CFAP20DC: variants seen among roughly 807,000 people sequenced by gnomAD.
CFAP20DC encodes the protein CFAP20 domain containing.
CFAP20DC carries 84 observed loss-of-function variants against 101.7 expected under a neutral mutation model. That is an observed-to-expected ratio of 0.83 (90% CI 0.69 to 0.99). The LOEUF is 0.99. CFAP20DC is among the 50% of genes least tolerant of loss of function. The pLI is 0.00. For synonymous variants in CFAP20DC, 359 were observed against 351.2 expected (o/e 1.02, Z -0.25); for missense variants, 1,007 against 970.3 (o/e 1.04, Z -0.50).
intron 13 of CFAP20DC, among the ~76,000 whole-genome samples, chr3:58,847,470 C>T (rs1220864981): frequency 2.0e-5 from 3 of 150,002 alleles, no homozygotes; most frequent in African/African-American, 4.9e-5. Flanking sequence ...CAATGAGATA[C>T]CATCTCACAC....
intron 16 of CFAP20DC, among the ~76,000 whole-genome samples, chr3:58,751,110 T>C (rs1216458331): frequency 6.6e-6 from 1 of 152,164 alleles, no homozygotes; most frequent in Non-Finnish European, 1.5e-5. Context: ...CTCTTCTCCT[T>C]TCTAATGAGA....
intron 5 of CFAP20DC, among the ~76,000 whole-genome samples, chr3:58,917,410 A>C (rs1321283143): frequency 6.6e-6 from 1 of 152,170 alleles, no homozygotes; most frequent in East Asian, 1.9e-4. Flanking sequence ...GAAATTAGTT[A>C]CATTTGTTAG....
intron 4 of CFAP20DC, among the ~76,000 whole-genome samples, chr3:58,938,528 G>T (rs2088034794): frequency 6.6e-6 from 1 of 152,078 alleles, no homozygotes; most frequent in African/African-American, 2.4e-5. Flanking sequence ...TTTTATTTGA[G>T]AATGATTTTT....
chr3:58,728,448 G>A lies in CFAP20DC; in HGVS notation c.198-10820C>T, dbSNP rs2067587224. Among the ~76,000 whole-genome samples, 1 of 152,164 alleles carries A rather than the reference G, an allele frequency of 6.6e-6. No homozygotes were observed. The highest frequency in any genetic ancestry group is 2.4e-5 in the African/African-American group (1 of 41,446). On this transcript the variant is annotated intron_variant, in intron 3 of 3. Transcript: ENST00000486145. The surrounding 1 kb of genome is among the most constrained non-coding windows in gnomAD (Gnocchi z 4.7). The stretch of plus-strand genomic sequence containing the variant: ...GTTTGTGTTATTCAGACCTTTACGT[G>A]ATTTGTAAAAACTTCACATGGCTGC...
At chr3:58,951,062 A>C (rs550585737) in intron 4 of CFAP20DC, among the ~76,000 whole-genome samples, 2 of 152,234 alleles carry the variant, frequency 1.3e-5, no homozygotes, top group Admixed American at 6.5e-5. Context: ...ACAAATTTAC[A>C]AGAAAAAAAC....
chr3:58,870,977 A>C (rs2080158508), intron 7 of CFAP20DC, among the ~76,000 whole-genome samples: 1 of 151,942 alleles, frequency 6.6e-6, no homozygotes, highest in Non-Finnish European at 1.5e-5. Flanking sequence ...TTAAGGAAAT[A>C]ATTTAAATAT....
At chr3:58,730,587 G>A (rs2067626399) in intron 3 of CFAP20DC, among the ~76,000 whole-genome samples, 3 of 152,086 alleles carry the variant, frequency 2.0e-5, no homozygotes. Context: ...GATAAGAGGA[G>A]GAATCAAAGC....
chr3:58,830,207 C>G (rs1187704577), intron 14 of CFAP20DC, among the ~76,000 whole-genome samples: 2 of 152,070 alleles, frequency 1.3e-5, no homozygotes, highest in African/African-American at 2.4e-5. Flanking sequence ...GAGCACTAAT[C>G]CCCCCATCAA....
At position 58,819,799 on chromosome 3, in the gene CFAP20DC, A is replaced by C. The variant is rs1025461489; in HGVS notation, c.2175+11887T>G. ...CCTCCCTAACTCATTTTATGAGGCC[A>C]GCATCATCCTGATACCAAAGCCGGG... On this transcript the variant is annotated intron_variant, in intron 14 of 16. Transcript: ENST00000482387. 5.4e-5 allele frequency among the ~76,000 whole-genome samples: 8 copies of C among 148,970 alleles called. 1 individual carries two copies. The highest frequency in any genetic ancestry group is 1.7e-4 in the African/African-American group (7 of 40,048).
chr3:58,758,376 T>C (rs1282556218), intron 15 of CFAP20DC, among the ~76,000 whole-genome samples: 1 of 152,112 alleles, frequency 6.6e-6, no homozygotes, highest in East Asian at 1.9e-4. Context: ...CTTCACCACA[T>C]GCCAGTCTTA....
chr3:58,802,600 C>T (rs1040805986), intron 15 of CFAP20DC, among the ~76,000 whole-genome samples: 4 of 152,132 alleles, frequency 2.6e-5, no homozygotes, highest in Admixed American at 6.6e-5. Context: ...AATCTAGACA[C>T]GCAAGGGAAT....
intron 6 of CFAP20DC, among the ~76,000 whole-genome samples, chr3:58,885,524 T>C (rs1349094484): frequency 6.6e-6 from 1 of 151,864 alleles, no homozygotes; most frequent in Admixed American, 6.6e-5. Context: ...ATATAACATA[T>C]TATTGTTAAC....
rs761995883 is a variant in CFAP20DC, at chr3:59,002,999, C to G, written c.278+36558G>C. On this transcript the variant is annotated intron_variant, in intron 4 of 16. Coordinates refer to ENST00000482387, the MANE Select transcript of CFAP20DC (RefSeq NM_001394063.1). The surrounding 1 kb of genome is among the most constrained non-coding windows in gnomAD (Gnocchi z 4.5). ...ACTGAATATCCAATGTTCTTCCCTA[C>G]AGTTATATGATGAATCTAAAAGACT... 2.8e-4 allele frequency among the ~76,000 whole-genome samples: 42 copies of G among 152,080 alleles called. No homozygotes were observed. The highest frequency in any genetic ancestry group is 7.4e-5 in the Non-Finnish European group (5 of 68,022).
intron 3 of CFAP20DC, among the ~76,000 whole-genome samples, chr3:58,735,792 C>A (rs373786334): frequency 8.2e-4 from 124 of 152,124 alleles, no homozygotes; most frequent in Middle Eastern, 3.4e-3. Flanking sequence ...AAAAGGTGAT[C>A]AAAAATGTAT....
intron 12 of CFAP20DC, among the ~76,000 whole-genome samples, chr3:58,860,311 T>G (rs1420563540): frequency 6.6e-6 from 1 of 152,036 alleles, no homozygotes; most frequent in Non-Finnish European, 1.5e-5. Context: ...AACTACTGAC[T>G]GCTAAAAAAA....
At chr3:58,856,120 T>A (rs1037006738) in intron 12 of CFAP20DC, among the ~76,000 whole-genome samples, 4 of 148,766 alleles carry the variant, frequency 2.7e-5, no homozygotes, top group Non-Finnish European at 4.4e-5. Context: ...TCAATAATAC[T>A]AAAAAAAAAC....
At chr3:58,923,197 GCAC>G (rs1037721313) in intron 5 of CFAP20DC, among the ~76,000 whole-genome samples, 3 of 152,086 alleles carry the variant, frequency 2.0e-5, no homozygotes, top group South Asian at 4.2e-4. Flanking sequence ...GTGAGCCACT[GCAC>G]CCAGCCCCAA....
At chr3:58,806,979 C>T (rs1426395213) in intron 14 of CFAP20DC, among the ~76,000 whole-genome samples, 4 of 152,138 alleles carry the variant, frequency 2.6e-5, no homozygotes, top group Admixed American at 1.3e-4. Context: ...GCACAGCAGT[C>T]TGAGATCAAA....
chr3:58,790,322 CAG>C (rs146768007), intron 15 of CFAP20DC, among the ~76,000 whole-genome samples: 3,992 of 152,240 alleles, frequency 0.026, 190 homozygotes, highest in African/African-American at 0.09. Flanking sequence ...GGACCGGAGA[CAG>C]GGAAATAATG....
Sources: allele counts gnomAD v4.1 joint callset (sites outside exome capture counted in the v4.1 genomes callset), GRCh38; gene constraint gnomAD v4.1.1; non-coding constraint Gnocchi (gnomAD v3.1); transcripts MANE v1.5; gene names NCBI Gene and HGNC (gene_info 2026-07-23, HGNC 2026-07-21).